The following CREM variants were observed in gnomAD, a reference collection of about 807,000 sequenced individuals.
CREM encodes cAMP-responsive element modulator.
A neutral mutation model predicts 37.3 loss-of-function variants in CREM; 13 were observed. The ratio of observed to expected loss-of-function variants is 0.35; its 90% CI spans 0.23 to 0.55. The LOEUF (loss-of-function observed/expected upper bound fraction) is 0.55, where lower values mean the gene tolerates loss of function less well. Ranked by LOEUF, CREM falls within the 20% of genes least tolerant of loss-of-function variation. The probability of loss-of-function intolerance (pLI) is 0.88; values close to 1 mark genes in which losing one functional copy is unlikely to be tolerated. For missense variants in CREM, 296 were observed against 362.3 expected (o/e 0.82, Z 1.49); for synonymous variants, 124 against 120.2 (o/e 1.03, Z -0.21).
intron 3 of CREM, among the ~76,000 whole-genome samples, chr10:35,176,172 C>T (rs930087867): frequency 3.3e-5 from 5 of 152,124 alleles, no homozygotes; most frequent in African/African-American, 9.7e-5. Context: ...CTGCTAGGTA[C>T]GTAGGTTTCA....
chr10:35,164,915 G>C (rs557513487), intron 3 of CREM, among the ~76,000 whole-genome samples: 22 of 152,096 alleles, frequency 1.4e-4, no homozygotes, highest in Non-Finnish European at 2.9e-4. Context: ...GCTGGGCATG[G>C]TGGCAGGCGC....
intron 1 of CREM, chr10:35,127,585 G>C (rs12765038): frequency 0.32 from 49,263 of 152,430 alleles, 8,094 homozygotes; most frequent in South Asian, 0.35. Context: ...CCTCGGATTT[G>C]AGTGCCCCCA....
chr10:35,133,932 T>C (rs2089936422), intron 1 of CREM, among the ~76,000 whole-genome samples: 1 of 152,242 alleles, frequency 6.6e-6, no homozygotes, highest in African/African-American at 2.4e-5. Flanking sequence ...AGCTGGAAAT[T>C]GGTTAAGTAA....
Position 35,175,744 on chromosome 10 carries a change from G to A in CREM, c.169-3145G>A, listed in dbSNP as rs112311636. The A allele has an allele frequency of 1.1e-3, 1,831 of 1,614,012 alleles. 24 individuals carry two copies. In the African/African-American group the frequency reaches 0.022, roughly 19 times the overall value. On this transcript the variant is annotated intron_variant, in intron 3 of 7. Coordinates refer to ENST00000685392, the MANE Select transcript of CREM (RefSeq NM_183011.2). ...ATAGTTTGTCATTTCTCAGCAGCAG[G>A]AAAAAGAGAAGTAGGCCAGTCATAT...
chr10:35,208,325 T>C (rs1244480000), intron 7 of CREM, among the ~76,000 whole-genome samples: 2 of 152,236 alleles, frequency 1.3e-5, no homozygotes, highest in African/African-American at 4.8e-5. Context: ...TCCATATCTC[T>C]GTCATTTTAT....
intron 2 of CREM, among the ~76,000 whole-genome samples, chr10:35,143,831 T>G (rs966886570): frequency 1.3e-5 from 2 of 151,794 alleles, no homozygotes; most frequent in Non-Finnish European, 2.9e-5. Flanking sequence ...CTGACCTTGA[T>G]TGGGTGTGGG....
chr10:35,185,796 C>T (rs756182787), intron 5 of CREM, among the ~76,000 whole-genome samples: 12 of 152,184 alleles, frequency 7.9e-5, no homozygotes, highest in Non-Finnish European at 1.6e-4. Context: ...GTAACTGACT[C>T]TTCAGTTTCT....
chr10:35,199,460 TAA>T lies in CREM; in HGVS notation c.599-7429_599-7428del, dbSNP rs925240904. ...CTTTGCATTTATGTAAACTTTAAAA[TAA>T]AAAAATCACTTAATGTTACAAATAA... On this transcript the variant is annotated intron_variant, in intron 6 of 7. Coordinates refer to ENST00000685392, the MANE Select transcript of CREM (RefSeq NM_183011.2). 2.0e-5 allele frequency among the ~76,000 whole-genome samples: 3 copies of T among 152,260 alleles called. No individual in the cohort carries two copies. In the East Asian group the frequency reaches 5.8e-4, roughly 29 times the overall value.
chr10:35,151,343 G>T (rs976249506), intron 3 of CREM, among the ~76,000 whole-genome samples: 2 of 151,954 alleles, frequency 1.3e-5, no homozygotes, highest in African/African-American at 2.4e-5. Context: ...GTATTTTTTT[G>T]TTGTTGTTTT....
chr10:35,138,761 A>T (rs1192491415), intron 2 of CREM, among the ~76,000 whole-genome samples: 2 of 151,732 alleles, frequency 1.3e-5, no homozygotes, highest in African/African-American at 4.8e-5. Context: ...CAGTGGCTTA[A>T]TCTGTAATCC....
At chr10:35,174,230 G>A (rs1219325318) in intron 3 of CREM, among the ~76,000 whole-genome samples, 1 of 152,116 alleles carries the variant, frequency 6.6e-6, no homozygotes, top group East Asian at 1.9e-4. Flanking sequence ...TCTACATAAA[G>A]CCCTCACTTA....
At chr10:35,158,571 G>T in intron 3 of CREM, 2 of 163,986 alleles carry the variant, frequency 1.2e-5, no homozygotes, top group South Asian at 1.5e-4. Context: ...ATGAAGTCTT[G>T]AATAACCTCT....
chr10:35,191,086 TTTTA>T (rs10528009), intron 6 of CREM, among the ~76,000 whole-genome samples: 8 of 148,066 alleles, frequency 5.4e-5, no homozygotes, highest in Admixed American at 2.7e-4. Context: ...ACATTTTTCT[TTTTA>T]TTTATTTATT....
At chr10:35,137,256 C>A (rs1184545681) in intron 1 of CREM, among the ~76,000 whole-genome samples, 1 of 152,138 alleles carries the variant, frequency 6.6e-6, no homozygotes, top group Non-Finnish European at 1.5e-5. Context: ...TGAAGGCTAT[C>A]AGAAGGACGT....
At chr10:35,194,530 A>G (rs1051822456) in intron 6 of CREM, among the ~76,000 whole-genome samples, 7 of 152,206 alleles carry the variant, frequency 4.6e-5, no homozygotes, top group Non-Finnish European at 1.0e-4. Flanking sequence ...TACTTGCTCC[A>G]TTGGCACAGT....
At chr10:35,129,885 A>G (rs2088970229) in intron 1 of CREM, among the ~76,000 whole-genome samples, 1 of 152,230 alleles carries the variant, frequency 6.6e-6, no homozygotes, top group Non-Finnish European at 1.5e-5. Context: ...TTTTGATATT[A>G]TCAACACAGG....
chr10:35,128,768 GC>G (rs756246734), intron 1 of CREM, among the ~76,000 whole-genome samples: 64 of 151,894 alleles, frequency 4.2e-4, no homozygotes, highest in Non-Finnish European at 8.7e-4. Flanking sequence ...CTCGTGATCC[GC>G]CCGCGTCGGC....
At chr10:35,153,723 T>C (rs983079577) in intron 3 of CREM, among the ~76,000 whole-genome samples, 5 of 152,128 alleles carry the variant, frequency 3.3e-5, no homozygotes, top group Admixed American at 3.3e-4. Context: ...AATGACTACT[T>C]CTCAAGGTTT....
At chr10:35,137,748 G>C (rs978245818) in intron 1 of CREM, 34 bp from the exon 2 acceptor site, 1 of 942,330 alleles carries the variant, frequency 1.1e-6, no homozygotes, top group South Asian at 2.0e-5. Context: ...GAAATGTTAC[G>C]ATCTCCCAAT....
Sources: gnomAD v4.1 joint callset for allele counts (sites outside exome capture counted in the v4.1 genomes callset) on GRCh38, gnomAD v4.1.1 for gene constraint, MANE v1.5 for transcripts, NCBI Gene and HGNC (gene_info 2026-07-23, HGNC 2026-07-21) for gene names.